APBB3: variants seen among roughly 807,000 people sequenced by gnomAD.
APBB3 encodes the protein amyloid beta precursor protein binding family B member 3, also known as amyloid-beta A4 precursor protein-binding family B member 3.
APBB3 carries 50 observed loss-of-function variants against 61.5 expected under a neutral mutation model. That is an observed-to-expected ratio of 0.81 (90% confidence interval 0.65 to 1.03). The LOEUF (loss-of-function observed/expected upper bound fraction) is 1.03, where lower values mean the gene tolerates loss of function less well. Among genes scored for constraint, APBB3 ranks in the 50% least tolerant of loss-of-function variants. The pLI, the probability that APBB3 is intolerant of heterozygous loss-of-function variation, is 0.00. For synonymous variants in APBB3, 235 were observed against 233.0 expected, an observed-to-expected ratio of 1.01 and a Z score of -0.08; for missense variants, 550 against 637.4, an observed-to-expected ratio of 0.86 and a Z score of 1.48.
chr5:140,560,544 G>C lies in APBB3; in HGVS notation c.1033-40C>G, dbSNP rs201850062. The C allele has an allele frequency of 6.2e-7, 1 of 1,606,322 alleles. No individual in the cohort carries two copies. Among genetic ancestry groups the C allele is most frequent in the Non-Finnish European group, 8.5e-7 (1 of 1,174,828 alleles). ...CCTAGTCACTAGAGGGCCAAGCACG[G>C]GCCAGACCCACTTAACTTTTCCGAC... On this transcript the variant is annotated intron_variant, in intron 11 of 12. Coordinates refer to ENST00000357560, the MANE Select transcript of APBB3 (RefSeq NM_133173.3). The surrounding 1 kb of genome is among the most constrained non-coding windows in gnomAD (Gnocchi z 5.1).
Position 140,560,897 on chromosome 5 carries a change from G to T in APBB3, c.916+121C>A. ...CTTAGAATTCTGATTTGGGAAGGCT[G>T]GTAGACCCCAGGCCATAACAAGGCC... On this transcript the variant is annotated intron_variant, in intron 10 of 12. Transcript: ENST00000357560. This position sits in a 1 kb window ranked among gnomAD's most constrained non-coding sequence, Gnocchi z 5.1. 7.3e-7 allele frequency: 1 copy of T among 1,377,556 alleles called. No individual in the cohort carries two copies. Among genetic ancestry groups the T allele is most frequent in the Non-Finnish European group, 1.0e-6 (1 of 988,322 alleles). The allele number at this position is 1,377,556 out of a possible 1,614,324, so 85.3% of individuals were successfully genotyped here. A position where few individuals can be genotyped will look rare whatever the true frequency, so the allele number is the denominator to read the frequency against.
At position 140,558,397 on chromosome 5, in the gene APBB3, G is replaced by A. The variant is rs572432818; in HGVS notation, c.*188C>T. On this transcript the variant is annotated 3_prime_UTR_variant, in exon 13 of 13. Transcript: ENST00000357560. ...AAGGAAAGGGGAGCCAGGGTCCTAC[G>A]TTGTGGTGCAGTGCCTCCCAGTCAT... The A allele has an allele frequency of 1.2e-4, 88 of 720,342 alleles. No homozygotes were observed. The African/African-American group carries it at 1.4e-3, about 11-fold the overall frequency. The allele number at this position is 720,342 out of a possible 1,614,324, so 44.6% of individuals were successfully genotyped here. A position where few individuals can be genotyped will look rare whatever the true frequency, so the allele number is the denominator to read the frequency against.
chr5:140,562,441 C>T lies in APBB3; in HGVS notation c.410G>A (p.Gly137Glu). The T allele has an allele frequency of 6.2e-7, 1 of 1,614,186 alleles. No individual in the cohort carries two copies. The highest frequency in any genetic ancestry group is 8.5e-7 in the Non-Finnish European group (1 of 1,180,032). Residue 137 changes from glycine to glutamate, a missense_variant, in exon 5 of 13, where the codon GGG (glycine) becomes GAG (glutamate). By Grantham distance (98) the Gly-to-Glu change is moderately conservative (BLOSUM62 -2). Coordinates refer to ENST00000357560, the MANE Select transcript of APBB3 (RefSeq NM_133173.3). ...VEVPEEDLAP[G>E]KSSIAVNNCI... The stretch of plus-strand genomic sequence containing the variant: ...GTTATTGACTGCAATACTGCTCTTC[C>T]CCGGTGCCAGGTCCTCTTCAGGTAC...
rs552335313 is a variant in APBB3, at chr5:140,561,271, T to A, written c.832+94A>T. On this transcript the variant is annotated intron_variant, in intron 9 of 12. Coordinates refer to ENST00000357560, the MANE Select transcript of APBB3 (RefSeq NM_133173.3). ...CCTGAGACCAGACATCTCAGAAATTTATCCACAGAAGTATTAAATAACCAG... is the reference window on the plus strand; with the variant it reads ...CCTGAGACCAGACATCTCAGAAATTAATCCACAGAAGTATTAAATAACCAG... 12 of 1,520,510 alleles carry A rather than the reference T, an allele frequency of 7.9e-6. No individual in the cohort carries two copies. The South Asian group carries it at 1.2e-4, about 16-fold the overall frequency. The allele number at this position is 1,520,510 out of a possible 1,614,324, so 94.2% of individuals were successfully genotyped here.
chr5:140,562,322 C>A (rs1754998757), intron 5 of APBB3, 31 bp downstream of exon 5: 1 of 1,612,574 alleles, frequency 6.2e-7, no homozygotes, highest in Non-Finnish European at 8.5e-7. Flanking sequence ...GGGCCCTGGG[C>A]CCAAACCATT....
Position 140,563,868 on chromosome 5 carries a change from G to T in APBB3, c.97C>A (p.Pro33Thr). Reference sequence around the variant, plus strand: ...GCATCGTGGATCTTCCTCCAGCCAGGAGGCAGGCCAGCCTCCACCTCCAGA... The same window carrying T: ...GCATCGTGGATCTTCCTCCAGCCAGTAGGCAGGCCAGCCTCCACCTCCAGA... ...HSLEVEAGLPPGWRKIHDAAG... is the reference protein window; with the variant it reads ...HSLEVEAGLPTGWRKIHDAAG... Residue 33 changes from proline (P) to threonine (T), a missense_variant, in exon 2 of 13, where the codon CCT becomes ACT. By Grantham distance (38) the Pro-to-Thr change is conservative (BLOSUM62 -1). Around this residue, in one of 3 missense-constraint regions of APBB3, gnomAD observed 405 missense variants for 483.4 expected, o/e 0.84. Transcript: ENST00000357560. 6.2e-7 allele frequency: 1 copy of T among 1,614,148 alleles called. No homozygotes were observed. Among genetic ancestry groups the T allele is most frequent in the Non-Finnish European group, 8.5e-7 (1 of 1,180,028 alleles).
chr5:140,563,420 G>T (rs1755057409), intron 3 of APBB3, 174 bp downstream of exon 3: 4 of 708,704 alleles, frequency 5.6e-6, no homozygotes, highest in Non-Finnish European at 4.9e-6. Context: ...TAGAACAAGG[G>T]ATAAAACTCA....
rs544602778 is a variant in APBB3, at chr5:140,564,375, TACGGGGCGGGAC to T, written c.-142_-131del. The T allele has an allele frequency of 0.01, 10,577 of 1,039,410 alleles. 107 individuals carry two copies. The highest frequency in any genetic ancestry group is 0.012 in the Non-Finnish European group (8,804 of 708,148). 64.4% of individuals were successfully genotyped at this position (1,039,410 alleles called of 1,614,324 possible). A position where few individuals can be genotyped will look rare whatever the true frequency, so the allele number is the denominator to read the frequency against. ...GCGGGGCCAGCTGGCGCCGCACAAA[TACGGGGCGGGAC>T]ACGGGGCGGGACACGGGCCGGTCCC... On this transcript the variant is annotated 5_prime_UTR_variant, in exon 1 of 13. Transcript: ENST00000357560. The surrounding 1 kb of genome is among the most constrained non-coding windows in gnomAD (Gnocchi z 5.0).
rs1755114413 is a variant in APBB3 at position 140,564,308 on chromosome 5, A to G, written c.-63T>C. ...ACTCTCAGCCCAGCGCGACCTCTGGAGCTACTGCGCCTGCAAGCCCAGCCT... is the reference window on the plus strand; with the variant it reads ...ACTCTCAGCCCAGCGCGACCTCTGGGGCTACTGCGCCTGCAAGCCCAGCCT... On this transcript the variant is annotated 5_prime_UTR_variant, in exon 1 of 13. Coordinates refer to ENST00000357560, the MANE Select transcript of APBB3 (RefSeq NM_133173.3). This position sits in a 1 kb window ranked among gnomAD's most constrained non-coding sequence, Gnocchi z 5.0. 6 of 1,586,286 alleles carry G rather than the reference A, an allele frequency of 3.8e-6. No homozygotes were observed. Among genetic ancestry groups the G allele is most frequent in the Middle Eastern group, 3.3e-4 (2 of 6,028 alleles).
chr5:140,561,025 C>T lies in APBB3; in HGVS notation c.909G>A (p.Lys303=), dbSNP rs929687771. The change falls in exon 10 of 13, where the codon AAG becomes AAA. Residue 303 remains lysine (K), a synonymous_variant. Transcript: ENST00000357560. The part of the protein sequence containing the change: ...ALYMGTLPVT[K]AMGMDVLNEA... The stretch of plus-strand genomic sequence containing the variant: ...AGCCCCCTCAGTCCTCACCCATGGC[C>T]TTGGTGACTGGCAGTGTCCCCATAT... 7 of 1,612,982 alleles carry T rather than the reference C, an allele frequency of 4.3e-6. No individual in the cohort carries two copies. The highest frequency in any genetic ancestry group is 5.9e-6 in the Non-Finnish European group (7 of 1,180,034).
Position 140,560,821 on chromosome 5 carries a change from CT to C in APBB3, c.917-68del. On this transcript the variant is annotated intron_variant, in intron 10 of 12. Coordinates refer to ENST00000357560, the MANE Select transcript of APBB3 (RefSeq NM_133173.3). The surrounding 1 kb of genome is among the most constrained non-coding windows in gnomAD (Gnocchi z 5.1). ...GAGTCTGCAGGGAGTGTCTAGCCCC[CT>C]CTCACTGATTTGGGATTCAGAGATA... 1 of 1,490,022 alleles carries C rather than the reference CT, an allele frequency of 6.7e-7. No individual in the cohort carries two copies. Among genetic ancestry groups the C allele is most frequent in the Non-Finnish European group, 9.3e-7 (1 of 1,072,170 alleles). 92.3% of individuals were successfully genotyped at this position (1,490,022 alleles called of 1,614,324 possible). A position where few individuals can be genotyped will look rare whatever the true frequency, so the allele number is the denominator to read the frequency against.
Position 140,562,651 on chromosome 5 carries a change from C to G in APBB3, c.351+12G>C. 6.2e-7 allele frequency: 1 copy of G among 1,614,186 alleles called. No homozygotes were observed. The highest frequency in any genetic ancestry group is 1.1e-5 in the South Asian group (1 of 91,080). On this transcript the variant is annotated intron_variant, in intron 4 of 12. Transcript: ENST00000357560. ...TTGGGACCTCCCAATGCCCTCAGGC[C>G]CAAGTCACTACCTTAGCCCCTGGCT...
In APBB3 at chr5:140,561,052, C is replaced by G; in HGVS notation, c.882G>C (p.Leu294=). The change falls in exon 10 of 13, where the codon CTG becomes CTC. Residue 294 remains leucine (L), a synonymous_variant. Transcript: ENST00000357560. ...VSQAAQKYEA[L]YMGTLPVTKA... ...TGGTGACTGGCAGTGTCCCCATATA[C>G]AGTGCCTCGTACTTCTGAGCAGCTT... The G allele has an allele frequency of 1.2e-6, 2 of 1,613,908 alleles. No individual in the cohort carries two copies. The highest frequency in any genetic ancestry group is 1.7e-6 in the Non-Finnish European group (2 of 1,180,034).
In APBB3 at chr5:140,560,539, G is replaced by T. The variant is rs367901551; in HGVS notation, c.1033-35C>A. ...CCAGGCCTAGTCACTAGAGGGCCAA[G>T]CACGGGCCAGACCCACTTAACTTTT... is the stretch of plus-strand genomic sequence containing the variant. On this transcript the variant is annotated intron_variant, in intron 11 of 12. Transcript: ENST00000357560. The surrounding 1 kb of genome is among the most constrained non-coding windows in gnomAD (Gnocchi z 5.1). 12 of 1,606,862 alleles carry T rather than the reference G, an allele frequency of 7.5e-6. No individual in the cohort carries two copies. The African/African-American group carries it at 1.6e-4, about 22-fold the overall frequency.
rs778182175 is a variant in APBB3 at position 140,560,749 on chromosome 5, C to T, written c.922G>A (p.Asp308Asn). Residue 308 changes from aspartate (D) to asparagine (N), a missense_variant, in exon 11 of 13, where the codon GAT becomes AAT. Physicochemically the swap from Asp to Asn is conservative, Grantham distance 23 (BLOSUM62 1). Coordinates refer to ENST00000357560, the MANE Select transcript of APBB3 (RefSeq NM_133173.3). This position sits in a 1 kb window ranked among gnomAD's most constrained non-coding sequence, Gnocchi z 5.1. Reference sequence around the variant, plus strand: ...GTACCAATGGCCTCGTTCAGCACATCCATGCCTGGGGGAACATACCCAGCG... The same window carrying T: ...GTACCAATGGCCTCGTTCAGCACATTCATGCCTGGGGGAACATACCCAGCG... ...TLPVTKAMGM[D>N]VLNEAIGTLT... is the part of the protein sequence containing the mutation. 3.1e-6 allele frequency: 5 copies of T among 1,613,984 alleles called. No individual in the cohort carries two copies. The Admixed American group carries it at 8.3e-5, about 27-fold the overall frequency.
At chr5:140,563,333 G>C (rs777480447) in intron 3 of APBB3, 6 of 542,300 alleles carry the variant, frequency 1.1e-5, no homozygotes, top group Middle Eastern at 4.8e-4. Flanking sequence ...CTAGAACAGA[G>C]GACTTAATGG....
intron 7 of APBB3, 55 bp from the exon 8 acceptor site, chr5:140,561,756 C>G (rs754347083): frequency 1.2e-6 from 2 of 1,614,010 alleles, no homozygotes; most frequent in South Asian, 2.2e-5. Flanking sequence ...CAGGAGCCTG[C>G]AGGAGGCTGG....
At chr5:140,562,540 A>G (rs745540042) in intron 4 of APBB3, 41 bp from the exon 5 acceptor site, 1 of 1,612,252 alleles carries the variant, frequency 6.2e-7, no homozygotes, top group Non-Finnish European at 8.5e-7. Context: ...ATAAGGATGG[A>G]GTAGGGTGGC....
chr5:140,563,065 T>C (rs1169807679), intron 3 of APBB3, among the ~76,000 whole-genome samples: 1 of 152,122 alleles, frequency 6.6e-6, no homozygotes, highest in Non-Finnish European at 1.5e-5. Context: ...GCCAACATGG[T>C]GAAACCCCAT....
Sources: allele counts gnomAD v4.1 joint callset (sites outside exome capture counted in the v4.1 genomes callset), GRCh38; gene constraint gnomAD v4.1.1; regional missense constraint gnomAD v4.1.1; non-coding constraint Gnocchi (gnomAD v3.1); transcripts MANE v1.5; gene names NCBI Gene and HGNC (gene_info 2026-07-23, HGNC 2026-07-21).